DACH1: variants seen among roughly 807,000 people sequenced by gnomAD.
DACH1 encodes dachshund family transcription factor 1.
DACH1 carries 12 observed loss-of-function variants against 54.2 expected under a neutral mutation model. That is an observed-to-expected ratio of 0.22 (90% CI 0.14 to 0.36). DACH1 has a LOEUF of 0.36. Among genes scored for constraint, DACH1 ranks in the 10% least tolerant of loss-of-function variants. The pLI, the probability that DACH1 is intolerant of heterozygous loss-of-function variation, is 1.00. For synonymous variants in DACH1, 386 were observed against 366.2 expected, an observed-to-expected ratio of 1.05 and a Z score of -0.62; for missense variants, 805 against 929.8, an observed-to-expected ratio of 0.87 and a Z score of 1.75.
At chr13:71,737,061 G>A (rs917168067) in intron 1 of DACH1, among the ~76,000 whole-genome samples, 2 of 152,040 alleles carry the variant, frequency 1.3e-5, no homozygotes, top group Non-Finnish European at 2.9e-5. Context: ...GCCCAGCCTG[G>A]CCAACATGGT....
chr13:71,703,694 T>C (rs1367576090), intron 1 of DACH1, among the ~76,000 whole-genome samples: 3 of 152,032 alleles, frequency 2.0e-5, no homozygotes, highest in Non-Finnish European at 4.4e-5. Context: ...CACCTATGAG[T>C]AGGGTAAGGA....
At chr13:71,748,186 AG>A (rs1324053739) in intron 1 of DACH1, among the ~76,000 whole-genome samples, 13 of 152,102 alleles carry the variant, frequency 8.5e-5, no homozygotes, top group Admixed American at 6.5e-4. Flanking sequence ...AAAAAAAAAA[AG>A]GAGCAAGCTC....
At chr13:71,620,134 G>C (rs1876112709) in intron 3 of DACH1, among the ~76,000 whole-genome samples, 1 of 151,852 alleles carries the variant, frequency 6.6e-6, no homozygotes, top group South Asian at 2.1e-4. Flanking sequence ...TATATTATCT[G>C]ATAGACCCAT....
chr13:71,797,467 G>C (rs1320207742), intron 1 of DACH1, among the ~76,000 whole-genome samples: 1 of 152,094 alleles, frequency 6.6e-6, no homozygotes, highest in Non-Finnish European at 1.5e-5. Flanking sequence ...AGTCCTTAAA[G>C]GGTCAAAATT....
Position 71,572,831 on chromosome 13 carries a change from A to T in DACH1, c.1299+9T>A. ...ACATGCCAAAATAATTGTATAAAAA[A>T]AGAATTACCTTAATAACTGATGTCT... On this transcript the variant is annotated intron_variant, in intron 4 of 10. Transcript: ENST00000613252. 2 of 1,603,312 alleles carry T rather than the reference A, an allele frequency of 1.2e-6. No homozygotes were observed. The highest frequency in any genetic ancestry group is 4.5e-5 in the East Asian group (2 of 44,648).
chr13:71,573,987 C>T (rs1287518530), intron 3 of DACH1, among the ~76,000 whole-genome samples: 1 of 152,086 alleles, frequency 6.6e-6, no homozygotes, highest in Non-Finnish European at 1.5e-5. Flanking sequence ...CATTACACAG[C>T]AAATCCAAAA....
chr13:71,570,897 T>A (rs573323799), intron 4 of DACH1, among the ~76,000 whole-genome samples: 150 of 152,298 alleles, frequency 9.8e-4, no homozygotes, highest in African/African-American at 3.5e-3. Flanking sequence ...CCCTAAGTAT[T>A]CTAATTAACA....
chr13:71,836,259 C>T (rs1014300345), intron 1 of DACH1, among the ~76,000 whole-genome samples: 4 of 151,246 alleles, frequency 2.6e-5, no homozygotes, highest in African/African-American at 7.3e-5. Context: ...TCTACATTTT[C>T]CAAAAAAAAA....
intron 10 of DACH1, among the ~76,000 whole-genome samples, chr13:71,441,629 T>C (rs1874014717): frequency 6.6e-6 from 1 of 152,020 alleles, no homozygotes; most frequent in African/African-American, 2.4e-5. Flanking sequence ...GCAAAATGTC[T>C]GGTAACTGGA....
chr13:71,690,442 C>T (rs1311945781), intron 1 of DACH1, among the ~76,000 whole-genome samples: 1 of 152,098 alleles, frequency 6.6e-6, no homozygotes, highest in Non-Finnish European at 1.5e-5. Flanking sequence ...TATGATTCTA[C>T]CCACAACACC....
At chr13:71,448,873 G>A (rs555595467) in intron 10 of DACH1, among the ~76,000 whole-genome samples, 6 of 150,382 alleles carry the variant, frequency 4.0e-5, no homozygotes, top group Admixed American at 2.7e-4. Context: ...GGCCTACAGA[G>A]TTGGGTCAAG....
chr13:71,717,504 TCACACA>T (rs3221998), intron 1 of DACH1, among the ~76,000 whole-genome samples: 10,186 of 142,782 alleles, frequency 0.071, 500 homozygotes, highest in African/African-American at 0.15. Context: ...GTGTGTGTAA[TCACACA>T]CACACACACA....
intron 6 of DACH1, among the ~76,000 whole-genome samples, chr13:71,523,807 G>A (rs952893367): frequency 3.9e-5 from 6 of 151,926 alleles, no homozygotes; most frequent in South Asian, 2.1e-4. Context: ...ATAAATTCTC[G>A]AATAACGTGT....
intron 6 of DACH1, among the ~76,000 whole-genome samples, chr13:71,506,603 T>A (rs1880347289): frequency 6.6e-6 from 1 of 151,918 alleles, no homozygotes; most frequent in African/African-American, 2.4e-5. Context: ...GCCAAGTCAA[T>A]CCTAAGCCAA....
At chr13:71,482,795 T>A in intron 7 of DACH1, among the ~76,000 whole-genome samples, 1 of 7,036 alleles carries the variant, frequency 1.4e-4, no homozygotes, top group African/African-American at 1.8e-4. Context: ...AACTGACAGT[T>A]TTTTTTTTTT....
chr13:71,457,914 C>T (rs78819152), intron 10 of DACH1, among the ~76,000 whole-genome samples: 1 of 151,778 alleles, frequency 6.6e-6, no homozygotes, highest in Non-Finnish European at 1.5e-5. Context: ...ACATCACACC[C>T]CATATTAGTA....
At chr13:71,730,231 A>C (rs1594145679) in intron 1 of DACH1, among the ~76,000 whole-genome samples, 3 of 152,278 alleles carry the variant, frequency 2.0e-5, no homozygotes, top group Admixed American at 2.0e-4. Flanking sequence ...AAAATAAAGA[A>C]AAATAAAGCA....
chr13:71,469,291 A>G (rs529639702), intron 10 of DACH1, among the ~76,000 whole-genome samples: 2 of 152,262 alleles, frequency 1.3e-5, no homozygotes, highest in South Asian at 4.1e-4. Flanking sequence ...CTATTAATAT[A>G]CCTGTCTAAA....
rs1873742149 is a variant in DACH1, at chr13:71,438,782, G to A, written c.*1873C>T. 1 of 152,306 alleles carries A rather than the reference G, an allele frequency of 6.6e-6. No individual in the cohort carries two copies. Among genetic ancestry groups the A allele is most frequent in the Non-Finnish European group, 1.5e-5 (1 of 67,876 alleles). 9.4% of individuals were successfully genotyped at this position (152,306 alleles called of 1,614,324 possible). ...ATAGGGAAACAAACACATAGAACTA[G>A]GAAAAGAATCCCTTGTGCTCAAACA... On this transcript the variant is annotated 3_prime_UTR_variant, in exon 11 of 11. Coordinates refer to ENST00000613252, the MANE Select transcript of DACH1 (RefSeq NM_080759.6).
Sources: gnomAD v4.1 joint callset for allele counts (sites outside exome capture counted in the v4.1 genomes callset) on GRCh38, gnomAD v4.1.1 for gene constraint, MANE v1.5 for transcripts, NCBI Gene and HGNC (gene_info 2026-07-23, HGNC 2026-07-21) for gene names.